SPPL2A: variants seen among roughly 807,000 people sequenced by gnomAD.
The protein encoded by SPPL2A is signal peptide peptidase-like 2A.
SPPL2A carries 51 observed loss-of-function variants against 63.8 expected under a neutral mutation model. The ratio of observed to expected loss-of-function variants is 0.80; its 90% CI spans 0.64 to 1.01. SPPL2A has a LOEUF of 1.01. Among genes scored for constraint, SPPL2A ranks in the 50% least tolerant of loss-of-function variants. The pLI, the probability that SPPL2A is intolerant of heterozygous loss-of-function variation, is 0.00. For missense variants in SPPL2A, 553 were observed against 622.7 expected (o/e 0.89, Z 1.19); for synonymous variants, 188 against 205.8 (o/e 0.91, Z 0.74).
chr15:50,758,433 C>T (rs1281228631), intron 1 of SPPL2A, among the ~76,000 whole-genome samples: 9 of 151,264 alleles, frequency 5.9e-5, no homozygotes, highest in African/African-American at 1.5e-4. Context: ...CCCAGGTTCA[C>T]GCCATTCTCC....
intron 14 of SPPL2A, among the ~76,000 whole-genome samples, chr15:50,709,758 T>C (rs12899657): frequency 0.3 from 46,133 of 151,476 alleles, 7,528 homozygotes; most frequent in East Asian, 0.56. Context: ...CCACTGCACT[T>C]CAGCCTGGGC....
chr15:50,719,062 A>G (rs1380611343), intron 14 of SPPL2A, among the ~76,000 whole-genome samples: 1 of 152,184 alleles, frequency 6.6e-6, no homozygotes, highest in Non-Finnish European at 1.5e-5. Context: ...CTGGAATACC[A>G]AGAACATTTA....
In SPPL2A at chr15:50,726,325, T is replaced by C; in HGVS notation, c.1142A>G (p.Glu381Gly). 6.2e-7 allele frequency: 1 copy of C among 1,613,880 alleles called. No homozygotes were observed. Among genetic ancestry groups the C allele is most frequent in the Non-Finnish European group, 8.5e-7 (1 of 1,179,768 alleles). The change falls in exon 11 of 15, where the codon GAA becomes GGA. Residue 381 changes from glutamate to glycine, a missense_variant. Transcript: ENST00000261854. ...ELAAGPFGNNEKLPVVIRVPK... is the reference protein window; with the variant it reads ...ELAAGPFGNNGKLPVVIRVPK... Reference sequence around the variant, plus strand: ...CTATTTCATTGCCATCCCTACCTTTTCATTATTTCCAAAAGGTCCAGCTGC... The same window carrying C: ...CTATTTCATTGCCATCCCTACCTTTCCATTATTTCCAAAAGGTCCAGCTGC...
chr15:50,715,286 C>A (rs187830344), intron 14 of SPPL2A, among the ~76,000 whole-genome samples: 3 of 152,186 alleles, frequency 2.0e-5, no homozygotes, highest in East Asian at 3.9e-4. Context: ...GTGTGAGCCA[C>A]CGCTCCCGGC....
intron 1 of SPPL2A, 68 bp downstream of exon 1, chr15:50,765,400 G>A (rs1338191173): frequency 1.5e-6 from 2 of 1,292,534 alleles, no homozygotes; most frequent in Non-Finnish European, 2.1e-6. Context: ...GTAGGGGAAG[G>A]GAGCCCCGGC....
rs2062498076 is a variant in SPPL2A, at chr15:50,705,012, A to G, written c.*2788T>C. 6.6e-6 allele frequency: 1 copy of G among 152,182 alleles called. No homozygotes were observed. The highest frequency in any genetic ancestry group is 1.5e-5 in the Non-Finnish European group (1 of 68,034). 9.4% of individuals were successfully genotyped at this position (152,182 alleles called of 1,614,324 possible). On this transcript the variant is annotated 3_prime_UTR_variant, in exon 15 of 15. Transcript: ENST00000261854. The stretch of plus-strand genomic sequence containing the variant: ...AGTTGATGAAGTTAAAATATTAATT[A>G]CTACTCCAGTTATATGAAACCAAAT...
intron 1 of SPPL2A, among the ~76,000 whole-genome samples, chr15:50,755,488 G>A (rs1195110737): frequency 6.6e-6 from 1 of 151,604 alleles, no homozygotes; most frequent in Non-Finnish European, 1.5e-5. Context: ...TGGTGTACAG[G>A]CGTGTACCTA....
intron 14 of SPPL2A, among the ~76,000 whole-genome samples, chr15:50,712,679 C>CCCT (rs35199045): frequency 1.5e-3 from 153 of 102,936 alleles, no homozygotes; most frequent in Non-Finnish European, 1.8e-3. Context: ...CTCCCCCCCC[C>CCCT]TTTTTTTTTT....
At position 50,703,363 on chromosome 15, in the gene SPPL2A, T is replaced by TTTTTC. The variant is rs2062490607; in HGVS notation, c.*4436_*4437insGAAAA. The TTTTTC allele has an allele frequency of 9.0e-6, 1 of 110,986 alleles. No individual in the cohort carries two copies. Among genetic ancestry groups the TTTTTC allele is most frequent in the Non-Finnish European group, 1.8e-5 (1 of 54,450 alleles). The allele number at this position is 110,986 out of a possible 1,614,324, so 6.9% of individuals were successfully genotyped here. The stretch of plus-strand genomic sequence containing the variant: ...ATATATATACATATATATATTTTTT[T>TTTTTC]TTTTTTTTTTTTTTTTTGAGATGGA... On this transcript the variant is annotated 3_prime_UTR_variant, in exon 15 of 15. Transcript: ENST00000261854.
At chr15:50,746,775 C>A (rs1317256170) in intron 5 of SPPL2A, 3 of 150,180 alleles carry the variant, frequency 2.0e-5, no homozygotes, top group Admixed American at 6.7e-5. Context: ...TCAAGCAATT[C>A]TCCTGCCTCA....
intron 5 of SPPL2A, among the ~76,000 whole-genome samples, chr15:50,747,094 A>C (rs2141050520): frequency 6.6e-6 from 1 of 152,342 alleles, no homozygotes; most frequent in Middle Eastern, 3.4e-3. Context: ...GAATTCCTAA[A>C]GCATTAAACA....
At position 50,749,867 on chromosome 15, in the gene SPPL2A, T is replaced by C; in HGVS notation, c.67-121A>G. Reference sequence around the variant, plus strand: ...TTTCCTTGAGAGGGATGGTCTTCCATGAATTTGTTTCTTCTTGTTTGAGGA... The same window carrying C: ...TTTCCTTGAGAGGGATGGTCTTCCACGAATTTGTTTCTTCTTGTTTGAGGA... On this transcript the variant is annotated intron_variant, in intron 1 of 14. Transcript: ENST00000261854. 6 of 666,970 alleles carry C rather than the reference T, an allele frequency of 9.0e-6. No individual in the cohort carries two copies. In the East Asian group the frequency reaches 1.3e-4, roughly 14 times the overall value. 41.3% of individuals were successfully genotyped at this position (666,970 alleles called of 1,614,324 possible). A position where few individuals can be genotyped will look rare whatever the true frequency, so the allele number is the denominator to read the frequency against.
intron 14 of SPPL2A, among the ~76,000 whole-genome samples, chr15:50,713,159 C>G (rs1205908023): frequency 1.3e-5 from 2 of 151,800 alleles, no homozygotes. Flanking sequence ...AAATGTTGGA[C>G]ATAAACAATG....
At chr15:50,753,488 G>T (rs976231719) in intron 1 of SPPL2A, among the ~76,000 whole-genome samples, 1 of 152,134 alleles carries the variant, frequency 6.6e-6, no homozygotes, top group Non-Finnish European at 1.5e-5. Flanking sequence ...GATAGTACAA[G>T]GATACAATGC....
chr15:50,748,880 A>C lies in SPPL2A; in HGVS notation c.178-10T>G. 1 of 1,547,376 alleles carries C rather than the reference A, an allele frequency of 6.5e-7. No individual in the cohort carries two copies. On this transcript the variant is annotated splice_polypyrimidine_tract_variant and intron_variant, in intron 2 of 14. Transcript: ENST00000261854. ...TCAAACTAATGGAAGTCTGAAAATA[A>C]GAAATGTCTTTTTAACATGTTAAAA... is the stretch of plus-strand genomic sequence containing the variant.
intron 13 of SPPL2A, among the ~76,000 whole-genome samples, chr15:50,721,821 TG>T (rs1218261312): frequency 6.6e-6 from 1 of 152,056 alleles, no homozygotes; most frequent in African/African-American, 2.4e-5. Context: ...TTGGCCAGGA[TG>T]GTCTCAATCT....
chr15:50,710,124 T>C (rs75930461), intron 14 of SPPL2A, among the ~76,000 whole-genome samples: 293 of 152,276 alleles, frequency 1.9e-3, no homozygotes, highest in African/African-American at 6.9e-3. Context: ...TAGGGCTGTG[T>C]AGAGAGAAAA....
intron 14 of SPPL2A, among the ~76,000 whole-genome samples, chr15:50,712,678 C>T (rs1234914720): frequency 9.5e-5 from 12 of 126,406 alleles, no homozygotes; most frequent in South Asian, 2.9e-4. Flanking sequence ...CCTCCCCCCC[C>T]CTTTTTTTTT....
At chr15:50,715,969 A>C (rs117184482) in intron 14 of SPPL2A, among the ~76,000 whole-genome samples, 3,064 of 152,240 alleles carry the variant, frequency 0.02, 53 homozygotes, top group Non-Finnish European at 0.028. Context: ...ATAGCCATTA[A>C]AATAATTTTA....
Sources: gnomAD v4.1 joint callset for allele counts (sites outside exome capture counted in the v4.1 genomes callset) on GRCh38, gnomAD v4.1.1 for gene constraint, MANE v1.5 for transcripts, NCBI Gene and HGNC (gene_info 2026-07-23, HGNC 2026-07-21) for gene names.